COL14A1: variants seen among roughly 807,000 people sequenced by gnomAD.
COL14A1 encodes collagen alpha-1(XIV) chain.
Under a neutral mutation model 230.3 loss-of-function variants are expected in COL14A1, and 136 were observed. The ratio of observed to expected loss-of-function variants is 0.59; its 90% confidence interval spans 0.51 to 0.68. COL14A1 has a LOEUF of 0.68. Among genes scored for constraint, COL14A1 ranks in the 30% least tolerant of loss-of-function variants. The pLI is 0.00. For synonymous variants in COL14A1, 792 were observed against 784.1 expected (o/e 1.01, Z -0.17); for missense variants, 1,976 against 2,215.8 (o/e 0.89, Z 2.17).
intron 5 of COL14A1, among the ~76,000 whole-genome samples, chr8:120,188,895 C>A (rs1313348797): frequency 1.3e-5 from 2 of 152,198 alleles, no homozygotes; most frequent in Non-Finnish European, 2.9e-5. Flanking sequence ...GGCTCCCAGG[C>A]GTGTCTGGTT....
intron 1 of COL14A1, among the ~76,000 whole-genome samples, chr8:120,132,116 G>A (rs1404216117): frequency 1.3e-5 from 2 of 152,032 alleles, no homozygotes; most frequent in South Asian, 4.2e-4. Context: ...CCAAAGTGCT[G>A]GGATTACAGG....
chr8:120,150,084 A>T (rs182959604), intron 2 of COL14A1, among the ~76,000 whole-genome samples: 24 of 152,264 alleles, frequency 1.6e-4, no homozygotes, highest in African/African-American at 5.3e-4. Flanking sequence ...TTATTTATTT[A>T]TTTTTTGCCT....
chr8:120,304,307 C>G (rs577860716), intron 36 of COL14A1, among the ~76,000 whole-genome samples: 1 of 152,088 alleles, frequency 6.6e-6, no homozygotes, highest in African/African-American at 2.4e-5. Context: ...TTTGCTCTTG[C>G]TTCTCTCATT....
chr8:120,290,621 A>C (rs1820346260), intron 34 of COL14A1, among the ~76,000 whole-genome samples: 1 of 152,222 alleles, frequency 6.6e-6, no homozygotes, highest in South Asian at 2.1e-4. Context: ...CCAGTTATAC[A>C]AGAGCTGGTA....
chr8:120,275,096 C>T (rs1039104182), intron 26 of COL14A1, among the ~76,000 whole-genome samples: 1 of 151,858 alleles, frequency 6.6e-6, no homozygotes, highest in African/African-American at 2.4e-5. Context: ...TCAAAGTATA[C>T]TACAAGACCA....
chr8:120,151,040 T>C (rs1215235348), intron 2 of COL14A1, among the ~76,000 whole-genome samples: 1 of 150,796 alleles, frequency 6.6e-6, no homozygotes, highest in Admixed American at 6.6e-5. Flanking sequence ...CAGGGGAATG[T>C]AGTGGATGAT....
chr8:120,278,549 A>G lies in COL14A1; in HGVS notation c.3452A>G (p.Asn1151Ser), dbSNP rs753834243. 1.4e-5 allele frequency: 22 copies of G among 1,612,860 alleles called. No individual in the cohort carries two copies. In the Admixed American group the frequency reaches 3.7e-4, roughly 27 times the overall value. The change falls in exon 28 of 48, where the codon AAC becomes AGC. Residue 1151 changes from asparagine (N) to serine (S), a missense_variant. By Grantham distance (46) the Asn-to-Ser change is conservative. Around this residue, in one of 3 missense-constraint regions of COL14A1, gnomAD observed 1,791 missense variants for 2,019.5 expected, o/e 0.89. Coordinates refer to ENST00000297848, the MANE Select transcript of COL14A1 (RefSeq NM_021110.4). ...ITDGRSQDDVNKISREMQLDG... is the reference protein window; with the variant it reads ...ITDGRSQDDVSKISREMQLDG... ...GATGGAAGATCACAAGATGATGTGA[A>G]CAAAATCTCCAGGGAGATGCAATTA...
At chr8:120,265,514 G>C (rs373570853) in intron 24 of COL14A1, among the ~76,000 whole-genome samples, 1 of 151,848 alleles carries the variant, frequency 6.6e-6, no homozygotes, top group African/African-American at 2.4e-5. Context: ...AATGTATAAA[G>C]TGCATTGTCA....
At chr8:120,150,649 G>A (rs1005799019) in intron 2 of COL14A1, among the ~76,000 whole-genome samples, 1 of 152,048 alleles carries the variant, frequency 6.6e-6, no homozygotes, top group African/African-American at 2.4e-5. Flanking sequence ...CTCCAGTACA[G>A]AGCAATGTTT....
At chr8:120,232,182 G>A (rs1027026708) in intron 19 of COL14A1, 2 of 152,054 alleles carry the variant, frequency 1.3e-5, no homozygotes, top group Admixed American at 6.6e-5. Flanking sequence ...TCCCCTCAGG[G>A]ATTTAGATTT....
chr8:120,338,702 C>A (rs1252284334), intron 42 of COL14A1, among the ~76,000 whole-genome samples: 1 of 152,174 alleles, frequency 6.6e-6, no homozygotes, highest in African/African-American at 2.4e-5. Flanking sequence ...AAGGACAGTG[C>A]TTGGAACATG....
chr8:120,329,604 C>CA (rs1426984278), intron 40 of COL14A1, among the ~76,000 whole-genome samples: 1 of 151,214 alleles, frequency 6.6e-6, no homozygotes, highest in Non-Finnish European at 1.5e-5. Context: ...AAGACTGTCT[C>CA]AAAAAAAATA....
intron 45 of COL14A1, 106 bp downstream of exon 45, chr8:120,345,669 A>G: frequency 2.1e-6 from 2 of 969,206 alleles, no homozygotes; most frequent in Non-Finnish European, 2.8e-6. Context: ...CAATGGACTT[A>G]AATTAATTCT....
chr8:120,278,266 A>C, intron 27 of COL14A1, 32 bp downstream of exon 27: 1 of 1,573,932 alleles, frequency 6.4e-7, no homozygotes, highest in Non-Finnish European at 8.6e-7. Context: ...CTAAGGCTCA[A>C]AGTAATTCAT....
intron 5 of COL14A1, among the ~76,000 whole-genome samples, chr8:120,171,673 G>A (rs1816098693): frequency 1.3e-5 from 2 of 152,230 alleles, no homozygotes; most frequent in Admixed American, 1.3e-4. Flanking sequence ...GGGTTCTGCT[G>A]CTTCACTGTC....
intron 34 of COL14A1, among the ~76,000 whole-genome samples, chr8:120,296,285 A>G (rs1399291268): frequency 6.6e-6 from 1 of 151,928 alleles, no homozygotes; most frequent in African/African-American, 2.4e-5. Flanking sequence ...TTCAAAATTC[A>G]GGGGTTACTT....
intron 42 of COL14A1, among the ~76,000 whole-genome samples, chr8:120,335,962 A>G (rs1822054019): frequency 6.6e-6 from 1 of 152,218 alleles, no homozygotes; most frequent in South Asian, 2.1e-4. Flanking sequence ...TAGCCCTGAC[A>G]TGACTCAAAG....
intron 20 of COL14A1, among the ~76,000 whole-genome samples, chr8:120,246,875 A>G (rs975603988): frequency 6.6e-5 from 10 of 152,220 alleles, no homozygotes; most frequent in Admixed American, 1.3e-4. Flanking sequence ...AAATATGAAG[A>G]TGAAAGCAAA....
chr8:120,315,908 G>A, intron 39 of COL14A1, 36 bp from the exon 40 acceptor site: 1 of 1,610,586 alleles, frequency 6.2e-7, no homozygotes, highest in Non-Finnish European at 8.5e-7. Flanking sequence ...ACTCATTCCT[G>A]TGAACCTGAC....
Sources: allele counts gnomAD v4.1 joint callset (sites outside exome capture counted in the v4.1 genomes callset), GRCh38; gene constraint gnomAD v4.1.1; regional missense constraint gnomAD v4.1.1; transcripts MANE v1.5; gene names NCBI Gene and HGNC (gene_info 2026-07-23, HGNC 2026-07-21).